HIVEP3: variants seen among roughly 807,000 people sequenced by gnomAD.
HIVEP3 encodes the protein HIVEP zinc finger 3.
HIVEP3 carries 49 observed loss-of-function variants against 152.8 expected under a neutral mutation model. The observed-to-expected ratio is 0.32, with a 90% CI of 0.26 to 0.41. The LOEUF is 0.41. HIVEP3 is among the 10% of genes least tolerant of loss of function. The pLI, the probability that HIVEP3 is intolerant of heterozygous loss-of-function variation, is 1.00. For synonymous variants in HIVEP3, 1,269 were observed against 1,289.0 expected (o/e 0.98, Z 0.33); for missense variants, 2,790 against 3,103.3 (o/e 0.90, Z 2.40).
At chr1:41,784,738 C>T (rs1649247377) in intron 1 of HIVEP3, among the ~76,000 whole-genome samples, 1 of 152,160 alleles carries the variant, frequency 6.6e-6, no homozygotes, top group Non-Finnish European at 1.5e-5. Flanking sequence ...AGAATCAAGC[C>T]TTGTAAATTC....
intron 1 of HIVEP3, among the ~76,000 whole-genome samples, chr1:41,963,509 G>A (rs1238651879): frequency 2.0e-5 from 3 of 150,830 alleles, no homozygotes; most frequent in Non-Finnish European, 4.4e-5. Flanking sequence ...CACACCCTGG[G>A]GCCTGTTGTG....
chr1:41,661,101 C>G (rs556087954), intron 2 of HIVEP3, among the ~76,000 whole-genome samples: 13 of 152,304 alleles, frequency 8.5e-5, no homozygotes, highest in Non-Finnish European at 1.5e-4. Flanking sequence ...TACGTGATCT[C>G]AATCTTTCTT....
chr1:41,976,172 G>A (rs192825824), intron 1 of HIVEP3, among the ~76,000 whole-genome samples: 27 of 152,312 alleles, frequency 1.8e-4, no homozygotes, highest in Admixed American at 1.4e-3. Flanking sequence ...TCTATTCCAC[G>A]TGTGACTTGA....
intron 5 of HIVEP3, among the ~76,000 whole-genome samples, chr1:41,541,550 C>T (rs1247096527): frequency 6.6e-6 from 1 of 152,226 alleles, no homozygotes; most frequent in Non-Finnish European, 1.5e-5. Context: ...CTCCTTCCCT[C>T]TTTCTGATGA....
intron 1 of HIVEP3, among the ~76,000 whole-genome samples, chr1:41,729,154 T>C (rs907845294): frequency 2.0e-5 from 3 of 152,090 alleles, no homozygotes; most frequent in African/African-American, 7.2e-5. Flanking sequence ...GGAGTCCACC[T>C]CCCAAGGTGG....
chr1:42,015,949 T>A (rs1645519888), intron 1 of HIVEP3, among the ~76,000 whole-genome samples: 2 of 152,228 alleles, frequency 1.3e-5, no homozygotes. Context: ...CAAAAGTCTT[T>A]AGGAAAAACA....
intron 1 of HIVEP3, among the ~76,000 whole-genome samples, chr1:41,950,320 CA>C (rs1645099165): frequency 6.6e-6 from 1 of 151,708 alleles, no homozygotes. Flanking sequence ...CAAAACAAAA[CA>C]AAACAAAACA....
At chr1:41,617,880 C>G (rs1644991378) in intron 3 of HIVEP3, among the ~76,000 whole-genome samples, 1 of 151,912 alleles carries the variant, frequency 6.6e-6, no homozygotes, top group East Asian at 1.9e-4. Flanking sequence ...TTCTAAGCAT[C>G]TTTTAGTTCA....
At chr1:41,926,615 A>C (rs554237230) in intron 1 of HIVEP3, among the ~76,000 whole-genome samples, 2 of 152,302 alleles carry the variant, frequency 1.3e-5, no homozygotes, top group African/African-American at 4.8e-5. Context: ...GGAGATGAGC[A>C]GTTATGGAGA....
chr1:41,510,780 C>A lies in HIVEP3; in HGVS notation c.6892G>T (p.Ala2298Ser). 6.2e-7 allele frequency: 1 copy of A among 1,605,812 alleles called. No individual in the cohort carries two copies. Among genetic ancestry groups the A allele is most frequent in the Non-Finnish European group, 8.5e-7 (1 of 1,176,684 alleles). Residue 2298 changes from alanine (A) to serine (S), a missense_variant, in exon 9 of 9, where the codon GCA (alanine) becomes TCA (serine). Physicochemically the swap from Ala to Ser is moderately conservative, Grantham distance 99. Around this residue, in one of 9 missense-constraint regions of HIVEP3, gnomAD observed 816 missense variants for 806.5 expected, o/e 1.01. Transcript: ENST00000372583. The part of the protein sequence containing the change: ...PPDWTPHGTG[A>S]PAEPTPTHSP... The stretch of plus-strand genomic sequence containing the variant: ...TGCGTGGGTGTGGGCTCTGCAGGTG[C>A]CCCGGTCCCATGGGGTGTCCAGTCA...
rs568843391 is a variant in HIVEP3, at chr1:41,930,925, TG to T, written n.120-12402del. ...CTTATTTGCCATCATATGCTTTCTT[TG>T]GTAAAACATATGTTCAAATATTTTG... On this transcript the variant is annotated intron_variant and non_coding_transcript_variant, in intron 1 of 3. Transcript: ENST00000489103. Among the ~76,000 whole-genome samples the T allele has an allele frequency of 3.5e-3, 538 of 152,310 alleles. 2 individuals carry two copies. The highest frequency in any genetic ancestry group is 0.013 in the African/African-American group (523 of 41,586).
chr1:41,683,166 G>A (rs1363498317), intron 2 of HIVEP3, among the ~76,000 whole-genome samples: 2 of 152,220 alleles, frequency 1.3e-5, no homozygotes, highest in Non-Finnish European at 2.9e-5. Context: ...AAGGGAACCT[G>A]CACTTTAAGG....
chr1:41,783,338 G>A (rs1649163864), intron 1 of HIVEP3, among the ~76,000 whole-genome samples: 2 of 152,158 alleles, frequency 1.3e-5, no homozygotes, highest in African/African-American at 4.8e-5. Flanking sequence ...GCTTCGGAAG[G>A]ATCACATTAA....
chr1:41,673,735 G>A (rs1431085644), intron 2 of HIVEP3, among the ~76,000 whole-genome samples: 2 of 152,220 alleles, frequency 1.3e-5, no homozygotes, highest in African/African-American at 4.8e-5. Flanking sequence ...GTTTGGTTGT[G>A]AGTCTAAATT....
At chr1:42,003,145 G>A (rs1039009572) in intron 1 of HIVEP3, among the ~76,000 whole-genome samples, 9 of 151,406 alleles carry the variant, frequency 5.9e-5, no homozygotes, top group African/African-American at 1.7e-4. Context: ...GCACAATCTC[G>A]GCTCACTGTA....
chr1:42,024,605 A>G (rs369532614), intron 1 of HIVEP3, among the ~76,000 whole-genome samples: 1 of 152,160 alleles, frequency 6.6e-6, no homozygotes, highest in African/African-American at 2.4e-5. Flanking sequence ...ATTTCTAAAT[A>G]TTTTAGCCTG....
Position 41,610,247 on chromosome 1 carries a change from C to T in HIVEP3, c.-522+18502G>A, listed in dbSNP as rs117149520. Among the ~76,000 whole-genome samples the T allele has an allele frequency of 1.6e-3, 237 of 152,334 alleles. 4 individuals carry two copies. The East Asian group carries it at 0.036, about 23-fold the overall frequency. On this transcript the variant is annotated intron_variant, in intron 3 of 8. Transcript: ENST00000372583. ...AATACACAACTTCAGACATCAAATCCTTCAGCGAGCTTTCTATGGCCCCCT... is the reference window on the plus strand; with the variant it reads ...AATACACAACTTCAGACATCAAATCTTTCAGCGAGCTTTCTATGGCCCCCT...
chr1:41,882,496 A>G (rs1357157305), intron 1 of HIVEP3, among the ~76,000 whole-genome samples: 2 of 152,206 alleles, frequency 1.3e-5, no homozygotes, highest in African/African-American at 2.4e-5. Flanking sequence ...GGATAATTAA[A>G]CTAGGAGTTG....
chr1:41,576,377 G>T (rs997343303), intron 4 of HIVEP3, among the ~76,000 whole-genome samples: 1 of 152,222 alleles, frequency 6.6e-6, no homozygotes, highest in African/African-American at 2.4e-5. Context: ...CCACACCTCA[G>T]TGATGAGAGC....
Sources: gnomAD v4.1 joint callset for allele counts (sites outside exome capture counted in the v4.1 genomes callset) on GRCh38, gnomAD v4.1.1 for gene constraint, gnomAD v4.1.1 regional missense constraint, MANE v1.5 for transcripts, NCBI Gene and HGNC (gene_info 2026-07-23, HGNC 2026-07-21) for gene names.